PLEKHM2: variants seen among roughly 807,000 people sequenced by gnomAD.
PLEKHM2 encodes the protein pleckstrin homology and RUN domain containing M2, also known as pleckstrin homology domain-containing family M member 2.
In PLEKHM2, 77 loss-of-function variants were observed where a neutral mutation model predicts 116.3. The observed-to-expected ratio is 0.66, with a 90% CI of 0.55 to 0.80. The LOEUF is 0.80. Among genes scored for constraint, PLEKHM2 ranks in the 30% least tolerant of loss-of-function variants. The pLI, the probability that PLEKHM2 is intolerant of heterozygous loss-of-function variation, is 0.00. For missense variants in PLEKHM2, 1,183 were observed against 1,354.9 expected, an observed-to-expected ratio of 0.87 and a Z score of 1.99; for synonymous variants, 562 against 571.0, an observed-to-expected ratio of 0.98 and a Z score of 0.22.
Position 15,730,597 on chromosome 1 carries a change from G to A in PLEKHM2, c.2274G>A (p.Leu758=). Residue 758 remains leucine (L), a synonymous_variant, in exon 15 of 20, where the codon CTG becomes CTA. Coordinates refer to ENST00000375799, the MANE Select transcript of PLEKHM2 (RefSeq NM_015164.4). Reference sequence around the variant, plus strand: ...GGGAGGACCCCACAGACGAGTCCCTGGGCCCCACGCCCTGCCACTGCTCAC... The same window carrying A: ...GGGAGGACCCCACAGACGAGTCCCTAGGCCCCACGCCCTGCCACTGCTCAC... The part of the protein sequence containing the change: ...VHWEDPTDES[L]GPTPCHCSPP... 6.2e-7 allele frequency: 1 copy of A among 1,606,344 alleles called. No individual in the cohort carries two copies.
At chr1:15,709,912 A>C (rs1185737000) in intron 1 of PLEKHM2, among the ~76,000 whole-genome samples, 1 of 152,110 alleles carries the variant, frequency 6.6e-6, no homozygotes, top group Non-Finnish European at 1.5e-5. Flanking sequence ...CCTCCTCCAA[A>C]TGATCTCTGG....
rs763178454 is a variant in PLEKHM2 at position 15,717,987 on chromosome 1, C to T, written c.372C>T (p.Tyr124=). The part of the protein sequence containing the change: ...QENLGLLHKY[Y]VKNALVCSHD... ...ACCTGGGCCTGCTGCATAAGTACTACGTCAAGTGAGTGTCTGGGACGGTCT... is the reference window on the plus strand; with the variant it reads ...ACCTGGGCCTGCTGCATAAGTACTATGTCAAGTGAGTGTCTGGGACGGTCT... Residue 124 remains tyrosine, a synonymous_variant, in exon 4 of 20, where the codon TAC becomes TAT. Coordinates refer to ENST00000375799, the MANE Select transcript of PLEKHM2 (RefSeq NM_015164.4). 5.7e-6 allele frequency: 9 copies of T among 1,580,568 alleles called. No homozygotes were observed. Among genetic ancestry groups the T allele is most frequent in the African/African-American group, 4.0e-5 (3 of 74,204 alleles).
At chr1:15,698,607 G>A (rs1641050316) in intron 1 of PLEKHM2, among the ~76,000 whole-genome samples, 1 of 143,536 alleles carries the variant, frequency 7.0e-6, no homozygotes, top group African/African-American at 2.6e-5. Context: ...GAGTGCAATA[G>A]TGCAATCTTG....
Position 15,719,740 on chromosome 1 carries a change from C to T in PLEKHM2, c.472C>T (p.Pro158Ser), listed in dbSNP as rs374625823. Residue 158 changes from proline (P) to serine (S), a missense_variant, in exon 6 of 20, where the codon CCT becomes TCT. Transcript: ENST00000375799. This position sits in a 1 kb window ranked among gnomAD's most constrained non-coding sequence, Gnocchi z 4.1. ...FIRFELDLDA[P>S]YLDLAPYMPD... ...TCCTCTACTCTCTCCTCAGGATGCC[C>T]CTTACCTAGACCTGGCCCCCTACAT... 17 of 1,611,406 alleles carry T rather than the reference C, an allele frequency of 1.1e-5. No homozygotes were observed. Among genetic ancestry groups the T allele is most frequent in the African/African-American group, 1.3e-5 (1 of 74,884 alleles).
intron 1 of PLEKHM2, among the ~76,000 whole-genome samples, chr1:15,702,833 G>C (rs1487151355): frequency 7.1e-6 from 1 of 140,342 alleles, no homozygotes; most frequent in African/African-American, 2.7e-5. Context: ...CAATCCTCCT[G>C]CCTTAGCCTT....
In PLEKHM2 at chr1:15,729,367, T is replaced by A. The variant is rs549792494; in HGVS notation, c.2075+177T>A. Among the ~76,000 whole-genome samples the A allele has an allele frequency of 1.3e-5, 2 of 151,910 alleles. No homozygotes were observed. Among genetic ancestry groups the A allele is most frequent in the Non-Finnish European group, 2.9e-5 (2 of 67,976 alleles). ...GAGGCAGGCAAGTAGACGACAATCA[T>A]AGGACTCATGTGGTCAGCCCAGGTG... On this transcript the variant is annotated intron_variant, in intron 13 of 19. Transcript: ENST00000375799. This position sits in a 1 kb window ranked among gnomAD's most constrained non-coding sequence, Gnocchi z 4.7.
intron 19 of PLEKHM2, among the ~76,000 whole-genome samples, chr1:15,733,149 G>A (rs370283574): frequency 6.6e-6 from 1 of 152,256 alleles, no homozygotes; most frequent in Non-Finnish European, 1.5e-5. Context: ...AGAGGCCAAG[G>A]TGGGCATGTT....
In PLEKHM2 at chr1:15,711,778, C is replaced by CG. The variant is rs34936981; in HGVS notation, c.61-4452dup. On this transcript the variant is annotated intron_variant, in intron 1 of 19. Coordinates refer to ENST00000375799, the MANE Select transcript of PLEKHM2 (RefSeq NM_015164.4). Reference sequence around the variant, plus strand: ...GTGAAGTTTAAAGGTCAATTGATAACGGGGGGGAAAATAATATATAACAAC... The same window carrying CG: ...GTGAAGTTTAAAGGTCAATTGATAACGGGGGGGGAAAATAATATATAACAAC... Among the ~76,000 whole-genome samples the CG allele has an allele frequency of 3.5e-3, 532 of 151,898 alleles. 3 individuals are homozygous for CG. Among genetic ancestry groups the CG allele is most frequent in the East Asian group, 0.029 (149 of 5,174 alleles).
At chr1:15,732,214 C>T (rs1557663946) in intron 17 of PLEKHM2, 136 bp from the exon 18 acceptor site, 1 of 944,818 alleles carries the variant, frequency 1.1e-6, no homozygotes, top group Non-Finnish European at 1.6e-6. Context: ...ACCCCCATCC[C>T]CGCCTCTGCT....
chr1:15,714,784 C>T (rs1026399593), intron 1 of PLEKHM2, among the ~76,000 whole-genome samples: 3 of 152,230 alleles, frequency 2.0e-5, no homozygotes, highest in African/African-American at 7.2e-5. Context: ...CATCTGTGCT[C>T]TTGTCTTGTG....
rs746640212 is a variant in PLEKHM2, at chr1:15,725,527, C to T, written c.923C>T (p.Thr308Met). 20 of 1,567,570 alleles carry T rather than the reference C, an allele frequency of 1.3e-5. No individual in the cohort carries two copies. The highest frequency in any genetic ancestry group is 1.7e-4 in the Middle Eastern group (1 of 5,798). ...AQALDPPDAC[T>M]ELEVIRVTKK... is the part of the protein sequence containing the mutation. Reference sequence around the variant, plus strand: ...GCCCTGGACCCGCCGGATGCCTGCACGGAGCTCGAGGTCATCAGGTCAGCA... The same window carrying T: ...GCCCTGGACCCGCCGGATGCCTGCATGGAGCTCGAGGTCATCAGGTCAGCA... Residue 308 changes from threonine to methionine, a missense_variant, in exon 8 of 20, where the codon ACG (threonine) becomes ATG (methionine). Transcript: ENST00000375799.
chr1:15,728,200 A>C lies in PLEKHM2; in HGVS notation c.1830+52A>C. 1 of 1,602,966 alleles carries C rather than the reference A, an allele frequency of 6.2e-7. No homozygotes were observed. The highest frequency in any genetic ancestry group is 1.7e-5 in the Admixed American group (1 of 59,648). ...CAAGAGACGGCAAGGGCAAGGCGGGATGGGCCACCGCCCCCGCTGGAGCGG... is the reference window on the plus strand; with the variant it reads ...CAAGAGACGGCAAGGGCAAGGCGGGCTGGGCCACCGCCCCCGCTGGAGCGG... On this transcript the variant is annotated intron_variant, in intron 10 of 19. Transcript: ENST00000375799. This position sits in a 1 kb window ranked among gnomAD's most constrained non-coding sequence, Gnocchi z 5.9.
chr1:15,734,243 G>C lies in PLEKHM2; in HGVS notation c.*309G>C. On this transcript the variant is annotated 3_prime_UTR_variant, in exon 20 of 20. Coordinates refer to ENST00000375799, the MANE Select transcript of PLEKHM2 (RefSeq NM_015164.4). ...CTCCGCCTCAGTCTGCAGAATTTCTGCCGAGTGGCACCGAGAACACCATCC... is the reference window on the plus strand; with the variant it reads ...CTCCGCCTCAGTCTGCAGAATTTCTCCCGAGTGGCACCGAGAACACCATCC... 1 of 365,400 alleles carries C rather than the reference G, an allele frequency of 2.7e-6. No homozygotes were observed. Among genetic ancestry groups the C allele is most frequent in the Non-Finnish European group, 5.0e-6 (1 of 201,166 alleles). 22.6% of individuals were successfully genotyped at this position (365,400 alleles called of 1,614,324 possible).
At chr1:15,722,202 G>C (rs1167997699) in intron 7 of PLEKHM2, among the ~76,000 whole-genome samples, 24 of 152,200 alleles carry the variant, frequency 1.6e-4, no homozygotes, top group Admixed American at 1.6e-3. Context: ...GGAGTGCAGT[G>C]GTGTGATCTT....
chr1:15,729,315 T>C lies in PLEKHM2; in HGVS notation c.2075+125T>C. 3.9e-6 allele frequency: 3 copies of C among 777,008 alleles called. No individual in the cohort carries two copies. Among genetic ancestry groups the C allele is most frequent in the Non-Finnish European group, 6.7e-6 (3 of 450,672 alleles). The allele number at this position is 777,008 out of a possible 1,614,324, so 48.1% of individuals were successfully genotyped here. Reference sequence around the variant, plus strand: ...ATCCAGGAGGGGAAACCAGATGTATTCCCTCTGGAACCTGCATCTGCTCAG... The same window carrying C: ...ATCCAGGAGGGGAAACCAGATGTATCCCCTCTGGAACCTGCATCTGCTCAG... On this transcript the variant is annotated intron_variant, in intron 13 of 19. Coordinates refer to ENST00000375799, the MANE Select transcript of PLEKHM2 (RefSeq NM_015164.4). The surrounding 1 kb of genome is among the most constrained non-coding windows in gnomAD (Gnocchi z 4.7).
chr1:15,705,396 T>A (rs9660255), intron 1 of PLEKHM2, among the ~76,000 whole-genome samples: 9 of 151,418 alleles, frequency 5.9e-5, no homozygotes, highest in African/African-American at 2.2e-4. Flanking sequence ...TGCCCAGGCT[T>A]GTCTCCAACT....
intron 17 of PLEKHM2, 141 bp from the exon 18 acceptor site, chr1:15,732,209 C>G (rs1201287028): frequency 1.1e-6 from 1 of 924,044 alleles, no homozygotes; most frequent in African/African-American, 1.7e-5. Flanking sequence ...GCATCACCCC[C>G]ATCCCCGCCT....
chr1:15,709,954 G>A (rs756122338), intron 1 of PLEKHM2, among the ~76,000 whole-genome samples: 50 of 152,132 alleles, frequency 3.3e-4, no homozygotes, highest in Middle Eastern at 3.4e-3. Context: ...AGCCGGGCGC[G>A]GTGGCTCATG....
chr1:15,682,152 C>T (rs1225218805), upstream of PLEKHM2, among the ~76,000 whole-genome samples: 1 of 151,954 alleles, frequency 6.6e-6, no homozygotes, highest in East Asian at 1.9e-4. Flanking sequence ...TGATCACACC[C>T]ACCACTGCAC....
Sources: allele counts gnomAD v4.1 joint callset (sites outside exome capture counted in the v4.1 genomes callset), GRCh38; gene constraint gnomAD v4.1.1; non-coding constraint Gnocchi (gnomAD v3.1); transcripts MANE v1.5; gene names NCBI Gene and HGNC (gene_info 2026-07-23, HGNC 2026-07-21).